OR52N4: variants seen among roughly 807,000 people sequenced by gnomAD.
OR52N4 encodes the protein olfactory receptor 52N4.
OR52N4 carries 15 observed loss-of-function variants against 15.0 expected under a neutral mutation model. The observed-to-expected ratio is 1.00, with a 90% CI of 0.67 to 1.54. The LOEUF (loss-of-function observed/expected upper bound fraction) is 1.54, where lower values mean the gene tolerates loss of function less well. OR52N4 is among the 40% of genes most tolerant of loss of function. The pLI, the probability that OR52N4 is intolerant of heterozygous loss-of-function variation, is 0.00. For missense variants in OR52N4, 421 were observed against 394.0 expected (o/e 1.07, Z -0.58); for synonymous variants, 143 against 143.7 (o/e 1.00, Z 0.03).
In OR52N4 at chr11:5,755,469, CA is replaced by C; in HGVS notation, c.730del (p.Thr244LeufsTer27). The C allele has an allele frequency of 6.2e-7, 1 of 1,614,090 alleles. No individual in the cohort carries two copies. The highest frequency in any genetic ancestry group is 8.5e-7 in the Non-Finnish European group (1 of 1,179,962). On this transcript the variant is annotated frameshift_variant, in exon 2 of 2. Coordinates refer to ENST00000641350, the MANE Select transcript of OR52N4 (RefSeq NM_001005175.5). LOFTEE classifies it high-confidence loss of function. ...CTCGGCAGAAGGCCTTTAATACCTG[CA>C]CTGCCCACATTTGTGCCATTGTTTT... ...DARQKAFNTC[T>X]AHICAIVFSY... is the part of the protein sequence containing the mutation.
the OR52N4 span, chr11:5,736,821 G>A: frequency 5.1e-3 from 8,219 of 1,613,952 alleles, 395 homozygotes; most frequent in Admixed American, 0.097. Context: ...AAGGTTATTA[G>A]CCTCCCTGAG....
At position 5,755,923 on chromosome 11, in the gene OR52N4, C is replaced by A; in HGVS notation, c.*217C>A. 1 of 558,712 alleles carries A rather than the reference C, an allele frequency of 1.8e-6. No homozygotes were observed. The highest frequency in any genetic ancestry group is 3.1e-6 in the Non-Finnish European group (1 of 321,866). 34.6% of individuals were successfully genotyped at this position (558,712 alleles called of 1,614,324 possible). A position where few individuals can be genotyped will look rare whatever the true frequency, so the allele number is the denominator to read the frequency against. ...TTACCTTCTCACTCATGTGAAGGACCAGTCTAATAATTAAACCATATTTTA... is the reference window on the plus strand; with the variant it reads ...TTACCTTCTCACTCATGTGAAGGACAAGTCTAATAATTAAACCATATTTTA... On this transcript the variant is annotated 3_prime_UTR_variant, in exon 2 of 2. Coordinates refer to ENST00000641350, the MANE Select transcript of OR52N4 (RefSeq NM_001005175.5).
At chr11:5,736,678 C>T in the OR52N4 span, 3 of 1,614,042 alleles carry the variant, frequency 1.9e-6, no homozygotes, top group Non-Finnish European at 2.5e-6. Flanking sequence ...ACACCCTCAT[C>T]CTCATCATCA....
At chr11:5,728,747 T>C in the OR52N4 span, among the ~76,000 whole-genome samples, 1 of 152,182 alleles carries the variant, frequency 6.6e-6, no homozygotes, top group African/African-American at 2.4e-5. Context: ...ACTTCAAATA[T>C]GTTGGGATAA....
rs772340611 is a variant in OR52N4, at chr11:5,754,847, T to C, written c.107T>C (p.Met36Thr). Residue 36 changes from methionine (M) to threonine (T), a missense_variant, in exon 2 of 2, where the codon ATG becomes ACG. By Grantham distance (81) the Met-to-Thr change is moderately conservative. Transcript: ENST00000641350. ...QLWISFPFCS[M>T]YVVAMVGNCG... is the part of the protein sequence containing the mutation. ...TGGATTTCCTTCCCATTCTGCTCTA[T>C]GTATGTTGTGGCTATGGTAGGGAAT... 1.2e-5 allele frequency: 19 copies of C among 1,613,730 alleles called. No homozygotes were observed. The highest frequency in any genetic ancestry group is 4.0e-5 in the African/African-American group (3 of 74,916).
chr11:5,741,564 A>G, the OR52N4 span, among the ~76,000 whole-genome samples: 1 of 152,212 alleles, frequency 6.6e-6, no homozygotes, highest in African/African-American at 2.4e-5. Context: ...AGTATGTTCT[A>G]TGGAACGCCC....
chr11:5,754,153 T>C (rs965258541), upstream of OR52N4: 1 of 152,096 alleles, frequency 6.6e-6, no homozygotes, highest in African/African-American at 2.4e-5. Flanking sequence ...ATAAATTTAC[T>C]AATTTTTGAG....
chr11:5,737,129 A>G, the OR52N4 span: 1 of 1,613,978 alleles, frequency 6.2e-7, no homozygotes, highest in South Asian at 1.1e-5. Flanking sequence ...GAGGCCAAAC[A>G]GCATTTGCCA....
the OR52N4 span, chr11:5,737,241 C>G: frequency 3.7e-6 from 6 of 1,614,142 alleles, no homozygotes; most frequent in South Asian, 6.6e-5. Flanking sequence ...TCAGCTGAAG[C>G]TGCAGCCAAG....
chr11:5,755,829 T>G lies in OR52N4; in HGVS notation c.*123T>G. On this transcript the variant is annotated 3_prime_UTR_variant, in exon 2 of 2. Transcript: ENST00000641350. The stretch of plus-strand genomic sequence containing the variant: ...TCACAAAATGGAGTTTGTTAACTGG[T>G]GCATTCTCAATAAGTACCTTGGGAA... The G allele has an allele frequency of 8.9e-7, 1 of 1,125,794 alleles. No homozygotes were observed. Among genetic ancestry groups the G allele is most frequent in the Non-Finnish European group, 1.2e-6 (1 of 810,814 alleles). The allele number at this position is 1,125,794 out of a possible 1,614,324, so 69.7% of individuals were successfully genotyped here. A position where few individuals can be genotyped will look rare whatever the true frequency, so the allele number is the denominator to read the frequency against.
chr11:5,742,440 A>G, the OR52N4 span, among the ~76,000 whole-genome samples: 1 of 152,300 alleles, frequency 6.6e-6, no homozygotes, highest in Non-Finnish European at 1.5e-5. Flanking sequence ...TCTAAAGCCA[A>G]TATGAAGGAA....
upstream of OR52N4, among the ~76,000 whole-genome samples, chr11:5,753,988 C>CAAAA (rs60504408): frequency 2.5e-5 from 2 of 79,666 alleles, no homozygotes; most frequent in East Asian, 3.3e-4. Flanking sequence ...GACTCTGCCT[C>CAAAA]AAAAAAAAAA....
At chr11:5,748,803 A>G in the OR52N4 span, among the ~76,000 whole-genome samples, 3 of 152,024 alleles carry the variant, frequency 2.0e-5, no homozygotes, top group Admixed American at 6.6e-5. Flanking sequence ...ATCTGCAGTA[A>G]GTATTAAATC....
the OR52N4 span, chr11:5,736,310 C>A: frequency 9.0e-6 from 5 of 555,718 alleles, no homozygotes; most frequent in Non-Finnish European, 1.6e-5. Context: ...TTTAAAAAAT[C>A]TAGTTATTAT....
At position 5,755,470 on chromosome 11, in the gene OR52N4, A is replaced by G; in HGVS notation, c.730A>G (p.Thr244Ala). The G allele has an allele frequency of 6.2e-7, 1 of 1,614,030 alleles. No individual in the cohort carries two copies. The highest frequency in any genetic ancestry group is 8.5e-7 in the Non-Finnish European group (1 of 1,179,952). ...DARQKAFNTC[T>A]AHICAIVFSY... ...TCGGCAGAAGGCCTTTAATACCTGC[A>G]CTGCCCACATTTGTGCCATTGTTTT... is the stretch of plus-strand genomic sequence containing the variant. Residue 244 changes from threonine to alanine, a missense_variant, in exon 2 of 2, where the codon ACT becomes GCT. Transcript: ENST00000641350.
At chr11:5,749,759 A>C (rs1854151471), upstream of OR52N4, among the ~76,000 whole-genome samples, 1 of 151,936 alleles carries the variant, frequency 6.6e-6, no homozygotes, top group Non-Finnish European at 1.5e-5. Context: ...GTTGAACGAA[A>C]ACAAAACAAA....
At chr11:5,736,973 G>C in the OR52N4 span, 1 of 1,614,082 alleles carries the variant, frequency 6.2e-7, no homozygotes, top group South Asian at 1.1e-5. Flanking sequence ...AATCTTAAAA[G>C]CTACCCTGTT....
chr11:5,748,370 T>C, the OR52N4 span, among the ~76,000 whole-genome samples: 1 of 149,998 alleles, frequency 6.7e-6, no homozygotes, highest in East Asian at 2.0e-4. Flanking sequence ...ATAAAATGGA[T>C]ATAATTTATA....
the OR52N4 span, among the ~76,000 whole-genome samples, chr11:5,729,409 C>T: frequency 4.6e-5 from 7 of 152,200 alleles, no homozygotes; most frequent in South Asian, 4.1e-4. Context: ...CGTGAGCCAC[C>T]GTGCCCGGCC....
Sources: gnomAD v4.1 joint callset for allele counts (sites outside exome capture counted in the v4.1 genomes callset) on GRCh38, gnomAD v4.1.1 for gene constraint, MANE v1.5 for transcripts, NCBI Gene and HGNC (gene_info 2026-07-23, HGNC 2026-07-21) for gene names.